Variants in RPRD1B observed in about 807,000 individuals in gnomAD.
RPRD1B encodes the protein regulation of nuclear pre-mRNA domain containing 1B.
A neutral mutation model predicts 41.5 loss-of-function variants in RPRD1B; 11 were observed. The observed-to-expected ratio is 0.27, with a 90% CI of 0.17 to 0.44. The LOEUF is 0.44. Among genes scored for constraint, RPRD1B ranks in the 20% least tolerant of loss-of-function variants. The probability of loss-of-function intolerance (pLI) is 1.00; values close to 1 mark genes in which losing one functional copy is unlikely to be tolerated. For missense variants in RPRD1B, 248 were observed against 389.9 expected (o/e 0.64, Z 3.06); for synonymous variants, 158 against 155.6 (o/e 1.02, Z -0.12).
intron 1 of RPRD1B, among the ~76,000 whole-genome samples, chr20:38,039,655 C>T (rs560472460): frequency 2.3e-4 from 35 of 152,052 alleles, no homozygotes; most frequent in African/African-American, 8.4e-4. Flanking sequence ...CCGTCCATCT[C>T]GGCCTCCAAA....
intron 3 of RPRD1B, among the ~76,000 whole-genome samples, chr20:38,056,790 T>A (rs2074246613): frequency 6.6e-6 from 1 of 152,262 alleles, no homozygotes; most frequent in African/African-American, 2.4e-5. Flanking sequence ...TTCTTTACTT[T>A]CGAAACTAGA....
Position 38,090,629 on chromosome 20 carries a change from G to A in RPRD1B, c.*754G>A, listed in dbSNP as rs1408840904. The A allele has an allele frequency of 1.7e-5, 17 of 985,318 alleles. No individual in the cohort carries two copies. Among genetic ancestry groups the A allele is most frequent in the Non-Finnish European group, 1.7e-5 (14 of 829,928 alleles). The allele number at this position is 985,318 out of a possible 1,614,324, so 61.0% of individuals were successfully genotyped here. ...TCCCATGCTGCACTTCTCCACTGTC[G>A]GAGCACGTTCCGAAAAACAGAATGC... On this transcript the variant is annotated 3_prime_UTR_variant, in exon 7 of 7. Transcript: ENST00000373433.
chr20:38,065,964 C>A, intron 5 of RPRD1B, 117 bp from the exon 6 acceptor site: 1 of 989,118 alleles, frequency 1.0e-6, no homozygotes, highest in Non-Finnish European at 1.5e-6. Flanking sequence ...CAGGTGCTGG[C>A]TTATTCTCAG....
At chr20:38,077,330 T>G (rs2074472680) in intron 6 of RPRD1B, among the ~76,000 whole-genome samples, 1 of 152,164 alleles carries the variant, frequency 6.6e-6, no homozygotes, top group Non-Finnish European at 1.5e-5. Context: ...TTCAGACTCA[T>G]GTATCTCATT....
intron 1 of RPRD1B, among the ~76,000 whole-genome samples, chr20:38,040,107 A>T (rs929570476): frequency 6.6e-6 from 1 of 152,224 alleles, no homozygotes; most frequent in South Asian, 2.1e-4. Context: ...CAGTAGAATA[A>T]ATAAAAGCCC....
At chr20:38,066,902 A>G (rs1359708040) in intron 6 of RPRD1B, among the ~76,000 whole-genome samples, 1 of 151,962 alleles carries the variant, frequency 6.6e-6, no homozygotes, top group Non-Finnish European at 1.5e-5. Context: ...TGATCTGCCC[A>G]CCTCAGCCTC....
chr20:38,090,580 G>T lies in RPRD1B; in HGVS notation c.*705G>T, dbSNP rs1293970522. ...AGCATGAATTAAAAGGAATTTATTT[G>T]CTTCAAGTTCCTAGATACAACCTTC... On this transcript the variant is annotated 3_prime_UTR_variant, in exon 7 of 7. Transcript: ENST00000373433. 1.0e-6 allele frequency: 1 copy of T among 985,590 alleles called. No homozygotes were observed. The highest frequency in any genetic ancestry group is 1.2e-6 in the Non-Finnish European group (1 of 829,952). The allele number at this position is 985,590 out of a possible 1,614,324, so 61.1% of individuals were successfully genotyped here.
At chr20:38,044,928 CAG>C (rs2074106338) in intron 2 of RPRD1B, among the ~76,000 whole-genome samples, 1 of 152,206 alleles carries the variant, frequency 6.6e-6, no homozygotes, top group African/African-American at 2.4e-5. Flanking sequence ...TGAGATAAGA[CAG>C]AGTTGTACAA....
chr20:38,059,350 C>T (rs1324058600), intron 4 of RPRD1B, 44 bp from the exon 5 acceptor site: 1 of 1,550,332 alleles, frequency 6.5e-7, no homozygotes. Flanking sequence ...TTCTTTAAAC[C>T]CCATGTCTTA....
chr20:38,081,901 A>G (rs2074515845), intron 6 of RPRD1B, among the ~76,000 whole-genome samples: 2 of 152,358 alleles, frequency 1.3e-5, no homozygotes, highest in South Asian at 4.1e-4. Flanking sequence ...GATTCAACAA[A>G]TAAAGCCTAC....
chr20:38,073,348 A>G (rs2074429551), intron 6 of RPRD1B, among the ~76,000 whole-genome samples: 1 of 152,144 alleles, frequency 6.6e-6, no homozygotes, highest in Non-Finnish European at 1.5e-5. Flanking sequence ...ATGAACTTAA[A>G]GCTGCTGGTG....
At chr20:38,061,712 T>G (rs1194247200) in intron 5 of RPRD1B, among the ~76,000 whole-genome samples, 2 of 152,246 alleles carry the variant, frequency 1.3e-5, no homozygotes, top group African/African-American at 4.8e-5. Context: ...GTCCTCCCAG[T>G]TGCTGATGAC....
At chr20:38,057,912 A>G (rs546073224) in intron 4 of RPRD1B, among the ~76,000 whole-genome samples, 36 of 152,352 alleles carry the variant, frequency 2.4e-4, no homozygotes, top group Non-Finnish European at 4.0e-4. Flanking sequence ...ATATTCTTTA[A>G]AAATAGATTT....
chr20:38,034,113 C>A lies in RPRD1B; in HGVS notation c.151+15C>A. Reference sequence around the variant, plus strand: ...GCTCCGCAAAGGTAAACACCAAATCCCCACCCCCTGGACGGTCCCCGGATT... The same window carrying A: ...GCTCCGCAAAGGTAAACACCAAATCACCACCCCCTGGACGGTCCCCGGATT... On this transcript the variant is annotated intron_variant, in intron 1 of 6. Transcript: ENST00000373433. The A allele has an allele frequency of 1.2e-6, 2 of 1,609,656 alleles. No individual in the cohort carries two copies. The highest frequency in any genetic ancestry group is 1.1e-5 in the South Asian group (1 of 90,388).
Position 38,089,984 on chromosome 20 carries a change from C to A in RPRD1B, c.*109C>A. On this transcript the variant is annotated 3_prime_UTR_variant, in exon 7 of 7. Coordinates refer to ENST00000373433, the MANE Select transcript of RPRD1B (RefSeq NM_021215.4). ...GGTTCTATCCCTTCTTCCGCCCAGC[C>A]CCCCAGCCTCAAGAAAGAACCTCAG... 6.7e-7 allele frequency: 1 copy of A among 1,490,034 alleles called. No individual in the cohort carries two copies. The highest frequency in any genetic ancestry group is 1.4e-5 in the South Asian group (1 of 71,306). The allele number at this position is 1,490,034 out of a possible 1,614,324, so 92.3% of individuals were successfully genotyped here. A position where few individuals can be genotyped will look rare whatever the true frequency, so the allele number is the denominator to read the frequency against.
At chr20:38,069,533 G>A (rs1050117723) in intron 6 of RPRD1B, among the ~76,000 whole-genome samples, 2 of 152,236 alleles carry the variant, frequency 1.3e-5, no homozygotes, top group African/African-American at 4.8e-5. Flanking sequence ...GATGTGGGAA[G>A]GAGGTGCTGC....
Position 38,089,891 on chromosome 20 carries a change from C to T in RPRD1B, c.*16C>T. On this transcript the variant is annotated 3_prime_UTR_variant, in exon 7 of 7. Coordinates refer to ENST00000373433, the MANE Select transcript of RPRD1B (RefSeq NM_021215.4). The stretch of plus-strand genomic sequence containing the variant: ...AACTGACTAGGATGGGTGTCATGTC[C>T]CAGATTTCTGTTTGTACCAGCAGAA... 6.2e-7 allele frequency: 1 copy of T among 1,607,328 alleles called. No individual in the cohort carries two copies. The highest frequency in any genetic ancestry group is 8.5e-7 in the Non-Finnish European group (1 of 1,177,096).
intron 6 of RPRD1B, among the ~76,000 whole-genome samples, chr20:38,077,715 C>T (rs1166692599): frequency 6.6e-6 from 1 of 152,206 alleles, no homozygotes; most frequent in East Asian, 1.9e-4. Flanking sequence ...ATCTGTCCCC[C>T]CTGGATCCTT....
rs148292596 is a variant in RPRD1B, at chr20:38,089,673, A to G, written c.832-53A>G. ...TAGCTGCCCGGCTCCAGCAGCACCC[A>G]TGCCCTCGGCACGCACAGACTTAAC... On this transcript the variant is annotated intron_variant, in intron 6 of 6. Transcript: ENST00000373433. 9.7e-4 allele frequency: 1,447 copies of G among 1,492,628 alleles called. 15 individuals are homozygous for G. In the African/African-American group the frequency reaches 0.018, roughly 19 times the overall value. 92.5% of individuals were successfully genotyped at this position (1,492,628 alleles called of 1,614,324 possible). A position where few individuals can be genotyped will look rare whatever the true frequency, so the allele number is the denominator to read the frequency against.
Sources: gnomAD v4.1 joint callset for allele counts (sites outside exome capture counted in the v4.1 genomes callset) on GRCh38, gnomAD v4.1.1 for gene constraint, MANE v1.5 for transcripts, NCBI Gene and HGNC (gene_info 2026-07-23, HGNC 2026-07-21) for gene names.